Variants in RBFOX1 observed in about 807,000 individuals in gnomAD.
RBFOX1 encodes the protein RNA binding fox-1 homolog 1.
RBFOX1 carries 8 observed loss-of-function variants against 57.7 expected under a neutral mutation model. The observed-to-expected ratio is 0.14, with a 90% CI of 0.08 to 0.25. The LOEUF is 0.25. Among genes scored for constraint, RBFOX1 ranks in the 10% least tolerant of loss-of-function variants. RBFOX1 has a pLI of 1.00. For missense variants in RBFOX1, 611 were observed against 548.5 expected (o/e 1.11, Z -1.14); for synonymous variants, 326 against 222.4 (o/e 1.47, Z -4.15).
intron 3 of RBFOX1, among the ~76,000 whole-genome samples, chr16:5,829,188 C>G (rs140585093): frequency 6.6e-6 from 1 of 152,310 alleles, no homozygotes; most frequent in African/African-American, 2.4e-5. Flanking sequence ...GCCTGCCACA[C>G]TGTGGTTTAA....
At chr16:6,868,517 G>A (rs1003370618) in intron 3 of RBFOX1, among the ~76,000 whole-genome samples, 1 of 152,076 alleles carries the variant, frequency 6.6e-6, no homozygotes, top group Non-Finnish European at 1.5e-5. Context: ...TGTCACCCAG[G>A]CTGGAGTGCG....
At chr16:5,766,999 GT>G (rs2053804600) in intron 3 of RBFOX1, among the ~76,000 whole-genome samples, 1 of 152,182 alleles carries the variant, frequency 6.6e-6, no homozygotes, top group Admixed American at 6.5e-5. Flanking sequence ...TTCTGTATCT[GT>G]TAGTTTGCTT....
At chr16:6,034,842 G>C (rs1488395055) in intron 1 of RBFOX1, among the ~76,000 whole-genome samples, 5 of 152,088 alleles carry the variant, frequency 3.3e-5, no homozygotes, top group South Asian at 4.2e-4. Flanking sequence ...ATGGGGATGT[G>C]GGGGCTGAGA....
intron 3 of RBFOX1, among the ~76,000 whole-genome samples, chr16:6,852,119 A>C (rs1190191409): frequency 4.0e-5 from 6 of 151,694 alleles, no homozygotes; most frequent in Admixed American, 1.3e-4. Context: ...AAATGATATA[A>C]ATTTATTATC....
At chr16:7,291,952 T>C (rs1451021788) in intron 4 of RBFOX1, among the ~76,000 whole-genome samples, 1 of 105,308 alleles carries the variant, frequency 9.5e-6, no homozygotes, top group Non-Finnish European at 1.9e-5. Flanking sequence ...ATATTATGTA[T>C]ATAATATATA....
At chr16:7,186,624 A>T (rs539358106) in intron 4 of RBFOX1, among the ~76,000 whole-genome samples, 28 of 138,384 alleles carry the variant, frequency 2.0e-4, no homozygotes, top group African/African-American at 6.9e-4. Context: ...AAACATATTT[A>T]TATAAATATA....
At chr16:6,432,285 C>G (rs1334610817) in intron 2 of RBFOX1, among the ~76,000 whole-genome samples, 4 of 152,082 alleles carry the variant, frequency 2.6e-5, no homozygotes, top group Non-Finnish European at 5.9e-5. Flanking sequence ...TGCTCAGAAA[C>G]ATGCTTCAGG....
chr16:7,348,733 G>A (rs1004618669), intron 4 of RBFOX1, among the ~76,000 whole-genome samples: 4 of 152,164 alleles, frequency 2.6e-5, no homozygotes, highest in African/African-American at 9.6e-5. Flanking sequence ...CCTGAGGTCA[G>A]GAGTTCAAGA....
At chr16:7,043,629 T>C (rs1267899782) in intron 3 of RBFOX1, among the ~76,000 whole-genome samples, 1 of 152,244 alleles carries the variant, frequency 6.6e-6, no homozygotes, top group African/African-American at 2.4e-5. Context: ...TCCAGTGTTT[T>C]CCTTCTAAGT....
intron 4 of RBFOX1, among the ~76,000 whole-genome samples, chr16:7,240,218 C>A (rs145289284): frequency 6.6e-6 from 1 of 152,122 alleles, no homozygotes; most frequent in Non-Finnish European, 1.5e-5. Flanking sequence ...CCTCCCGCCT[C>A]GGCCTCCCAA....
rs1555544471 is a variant in RBFOX1, at chr16:6,864,989, C to CTTT, written c.-15-187065_-15-187063dup. Among the ~76,000 whole-genome samples, 364 of 105,728 alleles carry CTTT rather than the reference C, an allele frequency of 3.4e-3. 7 individuals are homozygous for CTTT. The highest frequency in any genetic ancestry group is 0.026 in the Middle Eastern group (4 of 154). 69.4% of individuals were successfully genotyped at this position (105,728 alleles called of 152,430 possible). The stretch of plus-strand genomic sequence containing the variant: ...AGTGCCAATGTTGGAGTGGGTTTTT[C>CTTT]TTTTTCTTTTTTTTTTTTTTTTTTT... On this transcript the variant is annotated intron_variant, in intron 3 of 15. Coordinates refer to ENST00000550418, the MANE Select transcript of RBFOX1 (RefSeq NM_018723.4).
chr16:6,742,956 A>C (rs999629478), intron 3 of RBFOX1, among the ~76,000 whole-genome samples: 12 of 152,176 alleles, frequency 7.9e-5, no homozygotes, highest in Non-Finnish European at 1.5e-5. Flanking sequence ...AACTTATACA[A>C]ACACACTTTA....
chr16:6,890,036 A>G (rs773073267), intron 3 of RBFOX1, among the ~76,000 whole-genome samples: 1 of 152,244 alleles, frequency 6.6e-6, no homozygotes, highest in Non-Finnish European at 1.5e-5. Flanking sequence ...GTAGTGTCCC[A>G]CTTATACTAG....
In RBFOX1 at chr16:7,712,252, T is replaced by C. The variant is rs73503004; in HGVS notation, c.*1507T>C. On this transcript the variant is annotated 3_prime_UTR_variant, in exon 16 of 16. Coordinates refer to ENST00000550418, the MANE Select transcript of RBFOX1 (RefSeq NM_018723.4). ...AAAAACAACAGCAGCAGGCTGTCCC[T>C]GAGTAGTTTTGCTGCCATAGGTTAA... The C allele has an allele frequency of 0.13, 19,186 of 152,638 alleles. 1,469 individuals are homozygous for C. Among genetic ancestry groups the C allele is most frequent in the African/African-American group, 0.2 (8,281 of 41,510 alleles). 9.5% of individuals were successfully genotyped at this position (152,638 alleles called of 1,614,324 possible).
intron 3 of RBFOX1, among the ~76,000 whole-genome samples, chr16:6,746,130 A>T (rs1438265117): frequency 6.6e-6 from 1 of 152,134 alleles, no homozygotes; most frequent in African/African-American, 2.4e-5. Context: ...AGAGACTTAA[A>T]TATGTGAGCA....
Position 6,823,012 on chromosome 16 carries a change from C to T in RBFOX1, c.-16+168362C>T, listed in dbSNP as rs370880939. ...CAACGTGTAGATACTTTGCTTAGTA[C>T]TGTATGTGCATTATTCTGATGTCAT... On this transcript the variant is annotated intron_variant, in intron 3 of 15. Coordinates refer to ENST00000550418, the MANE Select transcript of RBFOX1 (RefSeq NM_018723.4). Among the ~76,000 whole-genome samples the T allele has an allele frequency of 1.1e-4, 16 of 152,140 alleles. No homozygotes were observed. The East Asian group carries it at 2.9e-3, about 28-fold the overall frequency.
intron 2 of RBFOX1, among the ~76,000 whole-genome samples, chr16:6,563,846 A>T (rs551605692): frequency 1.3e-5 from 2 of 150,592 alleles, no homozygotes; most frequent in East Asian, 3.9e-4. Flanking sequence ...ATATATATAT[A>T]TGTGTGTGTG....
intron 2 of RBFOX1, among the ~76,000 whole-genome samples, chr16:6,412,152 A>C (rs1031173297): frequency 6.6e-6 from 1 of 150,984 alleles, no homozygotes; most frequent in South Asian, 2.1e-4. Flanking sequence ...AAACAAAAAA[A>C]CAAAAAAACA....
intron 1 of RBFOX1, among the ~76,000 whole-genome samples, chr16:6,253,350 C>G (rs1217253412): frequency 1.3e-5 from 2 of 152,142 alleles, no homozygotes; most frequent in Non-Finnish European, 2.9e-5. Flanking sequence ...TACTTTGACA[C>G]AAGCTGTGGG....
Sources: allele counts gnomAD v4.1 joint callset (sites outside exome capture counted in the v4.1 genomes callset), GRCh38; gene constraint gnomAD v4.1.1; transcripts MANE v1.5; gene names NCBI Gene and HGNC (gene_info 2026-07-23, HGNC 2026-07-21).